Variants in TMEM132D observed in about 807,000 individuals in gnomAD.
The protein encoded by TMEM132D is mature OL transmembrane protein.
TMEM132D carries 21 observed loss-of-function variants against 62.3 expected under a neutral mutation model. The ratio of observed to expected loss-of-function variants is 0.34; its 90% CI spans 0.24 to 0.49. The LOEUF is 0.49. TMEM132D is among the 20% of genes least tolerant of loss of function. The pLI, the probability that TMEM132D is intolerant of heterozygous loss-of-function variation, is 0.99. For missense variants in TMEM132D, 1,346 were observed against 1,402.8 expected, an observed-to-expected ratio of 0.96 and a Z score of 0.65; for synonymous variants, 621 against 575.6, an observed-to-expected ratio of 1.08 and a Z score of -1.13.
At chr12:129,474,364 C>T (rs1242171258) in intron 3 of TMEM132D, among the ~76,000 whole-genome samples, 1 of 152,172 alleles carries the variant, frequency 6.6e-6, no homozygotes, top group Non-Finnish European at 1.5e-5. Flanking sequence ...TCACATCAAC[C>T]CATTAACTGG....
intron 3 of TMEM132D, among the ~76,000 whole-genome samples, chr12:129,370,293 A>ATT (rs1870552592): frequency 6.6e-6 from 1 of 152,204 alleles, no homozygotes; most frequent in Non-Finnish European, 1.5e-5. Context: ...CCCTGGAGCC[A>ATT]TGACAGTTAA....
At chr12:129,549,236 G>T (rs989071885) in intron 2 of TMEM132D, among the ~76,000 whole-genome samples, 1 of 147,134 alleles carries the variant, frequency 6.8e-6, no homozygotes, top group Non-Finnish European at 1.5e-5. Context: ...CTTTGGCTTG[G>T]TTCTCATTCT....
At chr12:129,619,416 C>T (rs1879005507) in intron 2 of TMEM132D, among the ~76,000 whole-genome samples, 1 of 152,152 alleles carries the variant, frequency 6.6e-6, no homozygotes, top group Admixed American at 6.5e-5. Flanking sequence ...AATGCATGTG[C>T]AGAAATGTCC....
intron 4 of TMEM132D, among the ~76,000 whole-genome samples, chr12:129,337,264 C>T (rs78228633): frequency 3.9e-5 from 6 of 152,216 alleles, no homozygotes; most frequent in African/African-American, 1.4e-4. Context: ...GACTCCAGAG[C>T]TGTGTGTGTT....
intron 5 of TMEM132D, 52 bp downstream of exon 5, chr12:129,209,468 A>T: frequency 1.9e-6 from 3 of 1,605,988 alleles, no homozygotes; most frequent in Non-Finnish European, 2.6e-6. Context: ...CCAGGAGCAC[A>T]GAAGCTGACA....
chr12:129,154,540 T>C (rs1173566897), intron 5 of TMEM132D, among the ~76,000 whole-genome samples: 2 of 152,174 alleles, frequency 1.3e-5, no homozygotes, highest in African/African-American at 4.8e-5. Flanking sequence ...TGTTTGGCGA[T>C]TGAGTACAAA....
intron 2 of TMEM132D, among the ~76,000 whole-genome samples, chr12:129,676,521 C>A (rs967461107): frequency 6.6e-6 from 1 of 152,174 alleles, no homozygotes; most frequent in African/African-American, 2.4e-5. Context: ...GGCTTCAAAG[C>A]TTTTGCTTAC....
intron 2 of TMEM132D, among the ~76,000 whole-genome samples, chr12:129,561,860 T>A (rs1410934204): frequency 2.6e-5 from 4 of 152,180 alleles, no homozygotes; most frequent in African/African-American, 9.7e-5. Flanking sequence ...AGAAGACCAG[T>A]TAAGGCTCAG....
At chr12:129,095,729 G>A (rs1168871138) in intron 5 of TMEM132D, among the ~76,000 whole-genome samples, 4 of 152,042 alleles carry the variant, frequency 2.6e-5, no homozygotes, top group African/African-American at 7.2e-5. Flanking sequence ...ACAGGGGAAC[G>A]GTCATGGGAG....
chr12:129,664,144 TA>T (rs1406870427), intron 2 of TMEM132D, among the ~76,000 whole-genome samples: 2 of 152,208 alleles, frequency 1.3e-5, no homozygotes, highest in Non-Finnish European at 2.9e-5. Flanking sequence ...AAGGAGACTG[TA>T]ATTAGATGTA....
At chr12:129,877,031 CA>C (rs1178783181) in intron 1 of TMEM132D, among the ~76,000 whole-genome samples, 1 of 152,056 alleles carries the variant, frequency 6.6e-6, no homozygotes, top group Non-Finnish European at 1.5e-5. Flanking sequence ...ATGGAGTGTG[CA>C]AATGCAACTT....
intron 3 of TMEM132D, among the ~76,000 whole-genome samples, chr12:129,476,153 A>T (rs1163652108): frequency 2.0e-5 from 3 of 152,184 alleles, no homozygotes. Flanking sequence ...ACACGCAGCA[A>T]ATGTGGCAAT....
intron 4 of TMEM132D, among the ~76,000 whole-genome samples, chr12:129,309,892 C>T (rs989720670): frequency 2.6e-5 from 4 of 152,042 alleles, no homozygotes; most frequent in East Asian, 3.9e-4. Flanking sequence ...ATGGTAGAGT[C>T]GTCCTCTGCA....
chr12:129,821,611 C>T (rs1208717777), intron 1 of TMEM132D, among the ~76,000 whole-genome samples: 1 of 152,212 alleles, frequency 6.6e-6, no homozygotes, highest in South Asian at 2.1e-4. Flanking sequence ...TATGGAAACA[C>T]TGGAACAGTA....
chr12:129,251,123 T>A (rs763802948), intron 4 of TMEM132D, among the ~76,000 whole-genome samples: 13 of 151,848 alleles, frequency 8.6e-5, no homozygotes, highest in Non-Finnish European at 4.4e-5. Context: ...TTTGGGAGGC[T>A]GAGGTGGGTG....
intron 3 of TMEM132D, among the ~76,000 whole-genome samples, chr12:129,467,179 G>A (rs1193968822): frequency 6.6e-6 from 1 of 152,130 alleles, no homozygotes; most frequent in Non-Finnish European, 1.5e-5. Context: ...TGCAACTCTG[G>A]CTTAGACCAA....
intron 1 of TMEM132D, among the ~76,000 whole-genome samples, chr12:129,806,927 G>A (rs1872008260): frequency 6.6e-6 from 1 of 152,038 alleles, no homozygotes; most frequent in Non-Finnish European, 1.5e-5. Context: ...CCAGCTACTT[G>A]GGAGGCTGAA....
intron 3 of TMEM132D, among the ~76,000 whole-genome samples, chr12:129,518,547 G>A: frequency 2.0e-5 from 1 of 51,244 alleles, no homozygotes; most frequent in African/African-American, 4.8e-5. Flanking sequence ...ACATGTGCGT[G>A]TGTGTGTGTG....
At chr12:129,209,768 C>G in intron 4 of TMEM132D, 105 bp from the exon 5 acceptor site, 1 of 1,488,066 alleles carries the variant, frequency 6.7e-7, no homozygotes, top group Non-Finnish European at 9.1e-7. Context: ...ACAGCACTGG[C>G]CTCTTCTGCA....
Sources: gnomAD v4.1 joint callset for allele counts (sites outside exome capture counted in the v4.1 genomes callset) on GRCh38, gnomAD v4.1.1 for gene constraint, MANE v1.5 for transcripts, NCBI Gene and HGNC (gene_info 2026-07-23, HGNC 2026-07-21) for gene names.